Variants in C11orf65 observed in about 807,000 individuals in gnomAD.
C11orf65 encodes chromosome 11 open reading frame 65, also known as protein MFI.
In C11orf65, 38 loss-of-function variants were observed where a neutral mutation model predicts 35.3. That is an observed-to-expected ratio of 1.08 (90% CI 0.83 to 1.41). C11orf65 has a LOEUF of 1.41. C11orf65 is among the 40% of genes most tolerant of loss of function. The pLI is 0.00. For missense variants in C11orf65, 370 were observed against 367.1 expected, an observed-to-expected ratio of 1.01 and a Z score of -0.06; for synonymous variants, 105 against 114.4, an observed-to-expected ratio of 0.92 and a Z score of 0.53.
Position 108,389,980 on chromosome 11 carries a change from C to T in C11orf65, c.731+3228G>A, listed in dbSNP as rs149224372. ...AAGCGCTGGGATTACAGGCATGAGCCACCTCGCCTGGCTGGTTTTTTTTTT... is the reference window on the plus strand; with the variant it reads ...AAGCGCTGGGATTACAGGCATGAGCTACCTCGCCTGGCTGGTTTTTTTTTT... On this transcript the variant is annotated intron_variant, in intron 7 of 8. Transcript: ENST00000393084. 4.2e-3 allele frequency among the ~76,000 whole-genome samples: 626 copies of T among 148,816 alleles called. 3 individuals carry two copies. The highest frequency in any genetic ancestry group is 0.014 in the African/African-American group (583 of 40,738).
intron 6 of C11orf65, chr11:108,309,165 C>A: frequency 3.0e-6 from 2 of 670,220 alleles, no homozygotes; most frequent in Admixed American, 5.2e-5. Flanking sequence ...TTATCCTGTA[C>A]AGTATGTTGG....
chr11:108,400,668 C>T (rs1018460254), intron 6 of C11orf65, among the ~76,000 whole-genome samples: 9 of 152,256 alleles, frequency 5.9e-5, no homozygotes, highest in South Asian at 2.1e-4. Flanking sequence ...CTGGAAGCCT[C>T]GCTGCAATTG....
rs1216180277 is a variant in C11orf65, at chr11:108,406,894, T to C, written c.298A>G (p.Ser100Gly). 6.2e-7 allele frequency: 1 copy of C among 1,612,758 alleles called. No individual in the cohort carries two copies. The highest frequency in any genetic ancestry group is 1.3e-5 in the African/African-American group (1 of 74,892). ...GGAAGTTTTGCATAATTTCTAGGGC[T>C]GTTAGCACAGAGATCTTCAATAGGT... Reference protein sequence around the residue: ...HRPIEDLCANSPRNYAKLPAK... With the variant: ...HRPIEDLCANGPRNYAKLPAK... The change falls in exon 5 of 9, where the codon AGC (serine) becomes GGC (glycine). Residue 100 changes from serine (S) to glycine (G), a missense_variant. Physicochemically the swap from Ser to Gly is moderately conservative, Grantham distance 56. Coordinates refer to ENST00000393084, the MANE Select transcript of C11orf65 (RefSeq NM_152587.5).
chr11:108,378,468 A>G (rs1162921585), downstream of C11orf65, among the ~76,000 whole-genome samples: 1 of 133,994 alleles, frequency 7.5e-6, no homozygotes, highest in African/African-American at 3.0e-5. Flanking sequence ...TACACCTTAT[A>G]CAAAAATTAA....
intron 2 of C11orf65, chr11:108,365,971 G>A (rs2137953343): frequency 5.9e-6 from 1 of 170,936 alleles, no homozygotes; most frequent in East Asian, 1.1e-4. Flanking sequence ...GAAGGTTGCT[G>A]TGGGCCAAAA....
intron 2 of C11orf65, chr11:108,343,410 TTTAA>T (rs1565558833): frequency 6.2e-7 from 1 of 1,610,050 alleles, no homozygotes; most frequent in Non-Finnish European, 8.5e-7. Flanking sequence ...TGTAAGATTA[TTTAA>T]TGGCTTATTA....
At chr11:108,365,954 G>A in intron 2 of C11orf65, 1 of 175,464 alleles carries the variant, frequency 5.7e-6, no homozygotes, top group Non-Finnish European at 1.2e-5. Context: ...TCTTGAACCT[G>A]GGAGGTGAAG....
intron 3 of C11orf65, among the ~76,000 whole-genome samples, chr11:108,423,902 G>A (rs191663364): frequency 2.5e-4 from 38 of 152,178 alleles, no homozygotes; most frequent in African/African-American, 2.4e-4. Flanking sequence ...CCCATTCGAC[G>A]GTCACCAACA....
upstream of C11orf65, among the ~76,000 whole-genome samples, chr11:108,468,563 A>G (rs914141029): frequency 2.0e-5 from 3 of 152,164 alleles, no homozygotes; most frequent in Non-Finnish European, 4.4e-5. Flanking sequence ...CCTGAAGAGA[A>G]ATTTCCCTGT....
At chr11:108,309,120 T>A in intron 6 of C11orf65, 1 of 1,049,212 alleles carries the variant, frequency 9.5e-7, no homozygotes, top group Non-Finnish European at 1.4e-6. Flanking sequence ...AGACATGCAT[T>A]CAAGTCCAAG....
intron 3 of C11orf65, among the ~76,000 whole-genome samples, chr11:108,428,948 A>G (rs1457090067): frequency 6.6e-6 from 1 of 152,152 alleles, no homozygotes; most frequent in African/African-American, 2.4e-5. Context: ...GGAGTTTGAG[A>G]CGAGCCTGCG....
chr11:108,409,885 A>G (rs1303706249), intron 3 of C11orf65, among the ~76,000 whole-genome samples: 1 of 152,028 alleles, frequency 6.6e-6, no homozygotes, highest in Non-Finnish European at 1.5e-5. Context: ...TCATCCCAAA[A>G]CCATCCTCCA....
intron 2 of C11orf65, among the ~76,000 whole-genome samples, chr11:108,442,228 G>A (rs921100224): frequency 6.6e-5 from 10 of 152,152 alleles, no homozygotes; most frequent in Admixed American, 2.0e-4. Flanking sequence ...GGGTATCAGT[G>A]ATTGAAGATC....
chr11:108,451,789 T>C (rs1369770430), intron 2 of C11orf65, among the ~76,000 whole-genome samples: 2 of 152,208 alleles, frequency 1.3e-5, no homozygotes, highest in African/African-American at 4.8e-5. Flanking sequence ...AACAGCATGG[T>C]ACTGGTACCA....
intron 7 of C11orf65, among the ~76,000 whole-genome samples, chr11:108,391,811 G>T (rs1267602256): frequency 1.4e-5 from 2 of 139,832 alleles, no homozygotes; most frequent in Non-Finnish European, 3.0e-5. Context: ...CTATAGGTTT[G>T]CCTATTCTGG....
At chr11:108,438,781 A>G (rs1280961222) in intron 2 of C11orf65, among the ~76,000 whole-genome samples, 1 of 152,098 alleles carries the variant, frequency 6.6e-6, no homozygotes, top group Non-Finnish European at 1.5e-5. Context: ...CAAGGCGGGC[A>G]GATCACTTGA....
At chr11:108,357,443 A>G (rs1446975183) in intron 2 of C11orf65, among the ~76,000 whole-genome samples, 1 of 152,238 alleles carries the variant, frequency 6.6e-6, no homozygotes, top group Non-Finnish European at 1.5e-5. Flanking sequence ...GGAACCCACC[A>G]CAGCTCAAGG....
chr11:108,317,693 A>G (rs2084864592), intron 6 of C11orf65, among the ~76,000 whole-genome samples: 1 of 143,130 alleles, frequency 7.0e-6, no homozygotes, highest in Admixed American at 7.0e-5. Flanking sequence ...TATACATACC[A>G]TATATATAGT....
At chr11:108,412,536 C>T (rs2092676086) in intron 3 of C11orf65, among the ~76,000 whole-genome samples, 1 of 152,074 alleles carries the variant, frequency 6.6e-6, no homozygotes, top group South Asian at 2.1e-4. Flanking sequence ...AGAACAAAGA[C>T]GAACCTGGGC....
Sources: allele counts gnomAD v4.1 joint callset (sites outside exome capture counted in the v4.1 genomes callset), GRCh38; gene constraint gnomAD v4.1.1; transcripts MANE v1.5; gene names NCBI Gene and HGNC (gene_info 2026-07-23, HGNC 2026-07-21).